The following NRG3 variants were observed in gnomAD, a reference collection of about 807,000 sequenced individuals.
The protein encoded by NRG3 is neuregulin 3, also known as pro-neuregulin-3, membrane-bound isoform.
NRG3 carries 31 observed loss-of-function variants against 66.9 expected under a neutral mutation model. That is an observed-to-expected ratio of 0.46 (90% confidence interval 0.35 to 0.63). The LOEUF (loss-of-function observed/expected upper bound fraction) is 0.63. Among genes scored for constraint, NRG3 ranks in the 20% least tolerant of loss-of-function variants. The pLI is 0.00. For synonymous variants in NRG3, 393 were observed against 359.4 expected (o/e 1.09, Z -1.06); for missense variants, 910 against 878.9 (o/e 1.04, Z -0.45).
intron 8 of NRG3, chr10:82,984,639 G>T: frequency 1.5e-6 from 1 of 679,640 alleles, no homozygotes; most frequent in Non-Finnish European, 2.5e-6. Context: ...CGACTAGGGT[G>T]GCCACAACAA....
intron 6 of NRG3, among the ~76,000 whole-genome samples, chr10:82,970,737 A>AC (rs1851644259): frequency 1.3e-5 from 2 of 151,970 alleles, no homozygotes; most frequent in African/African-American, 2.4e-5. Flanking sequence ...AATTTTACAT[A>AC]TTTTTTTCTT....
intron 1 of NRG3, among the ~76,000 whole-genome samples, chr10:81,955,677 G>C (rs1849761984): frequency 6.6e-6 from 1 of 152,100 alleles, no homozygotes. Context: ...AATAAAAGTT[G>C]ATACCTTTGA....
intron 1 of NRG3, among the ~76,000 whole-genome samples, chr10:82,345,093 T>C (rs1183386880): frequency 7.6e-6 from 1 of 131,050 alleles, no homozygotes; most frequent in Non-Finnish European, 1.5e-5. Flanking sequence ...CAATTTTGGC[T>C]TTTGTTGCCA....
intron 2 of NRG3, among the ~76,000 whole-genome samples, chr10:82,380,310 G>C (rs916326235): frequency 6.6e-6 from 1 of 151,816 alleles, no homozygotes; most frequent in African/African-American, 2.4e-5. Flanking sequence ...TTAAAAATAC[G>C]TATTACTCTT....
chr10:82,471,227 C>G (rs1841223812), intron 2 of NRG3, among the ~76,000 whole-genome samples: 1 of 152,102 alleles, frequency 6.6e-6, no homozygotes, highest in Non-Finnish European at 1.5e-5. Flanking sequence ...GACTTCCTAC[C>G]TCACAGATTG....
chr10:82,855,836 A>G (rs979779024), intron 3 of NRG3, among the ~76,000 whole-genome samples: 1 of 152,198 alleles, frequency 6.6e-6, no homozygotes, highest in African/African-American at 2.4e-5. Context: ...AGCATCTATG[A>G]TAGCATTTTA....
At chr10:82,290,115 C>G (rs1382129371) in intron 1 of NRG3, among the ~76,000 whole-genome samples, 1 of 152,170 alleles carries the variant, frequency 6.6e-6, no homozygotes, top group Non-Finnish European at 1.5e-5. Context: ...CACCTGCATT[C>G]CTGCTGCACC....
intron 4 of NRG3, among the ~76,000 whole-genome samples, chr10:82,932,668 C>T (rs577871852): frequency 2.6e-5 from 4 of 152,278 alleles, no homozygotes; most frequent in South Asian, 2.1e-4. Flanking sequence ...CACAGTGGAG[C>T]GTCTGGCACT....
intron 1 of NRG3, among the ~76,000 whole-genome samples, chr10:82,114,154 G>T (rs2067556059): frequency 6.6e-6 from 1 of 152,052 alleles, no homozygotes; most frequent in Non-Finnish European, 1.5e-5. Context: ...TCATCACTTT[G>T]TTCCTTTTTA....
At chr10:82,097,807 A>C (rs915287747) in intron 1 of NRG3, among the ~76,000 whole-genome samples, 1 of 152,064 alleles carries the variant, frequency 6.6e-6, no homozygotes, top group Admixed American at 6.6e-5. Context: ...CCATTCTAAT[A>C]CATGTGTAGT....
chr10:82,317,524 T>G (rs1488422239), intron 1 of NRG3, among the ~76,000 whole-genome samples: 1 of 152,228 alleles, frequency 6.6e-6, no homozygotes, highest in Non-Finnish European at 1.5e-5. Context: ...CCTTTCAGTC[T>G]GTGCTGCTGC....
intron 1 of NRG3, among the ~76,000 whole-genome samples, chr10:82,061,842 T>TTCTATC: frequency 6.8e-6 from 1 of 146,928 alleles, no homozygotes; most frequent in African/African-American, 2.5e-5. Context: ...CAGTGTCCCT[T>TTCTATC]TCTCTCTCTC....
intron 1 of NRG3, among the ~76,000 whole-genome samples, chr10:82,016,119 G>T (rs1404935212): frequency 1.3e-5 from 2 of 151,918 alleles, no homozygotes; most frequent in Admixed American, 6.6e-5. Context: ...CTTGGTCATT[G>T]ACTCAGTGTA....
At chr10:82,607,275 G>A (rs1329433986) in intron 2 of NRG3, among the ~76,000 whole-genome samples, 1 of 152,044 alleles carries the variant, frequency 6.6e-6, no homozygotes, top group African/African-American at 2.4e-5. Flanking sequence ...GTTGTTGGGT[G>A]CACACACTCT....
intron 2 of NRG3, among the ~76,000 whole-genome samples, chr10:82,502,424 T>C (rs1590373629): frequency 6.6e-6 from 1 of 152,348 alleles, no homozygotes; most frequent in East Asian, 1.9e-4. Context: ...TAAAAGGCTT[T>C]ATTGCAGGGG....
At chr10:82,782,951 A>T (rs1204519127) in intron 3 of NRG3, among the ~76,000 whole-genome samples, 1 of 152,214 alleles carries the variant, frequency 6.6e-6, no homozygotes, top group Non-Finnish European at 1.5e-5. Flanking sequence ...TTGATGCAAA[A>T]ATCCTCAATG....
chr10:82,616,786 A>G (rs377651807), intron 2 of NRG3, among the ~76,000 whole-genome samples: 17 of 152,140 alleles, frequency 1.1e-4, no homozygotes, highest in East Asian at 7.7e-4. Flanking sequence ...GTTTCCATCA[A>G]TACCTTTCAG....
chr10:82,499,997 C>G (rs1403237215), intron 2 of NRG3, among the ~76,000 whole-genome samples: 16 of 152,116 alleles, frequency 1.1e-4, no homozygotes, highest in Non-Finnish European at 1.0e-4. Flanking sequence ...AGACAAATGA[C>G]CTTGAAAACT....
intron 4 of NRG3, among the ~76,000 whole-genome samples, chr10:82,944,271 G>T (rs1485537680): frequency 6.6e-6 from 1 of 152,124 alleles, no homozygotes; most frequent in African/African-American, 2.4e-5. Context: ...CTGCATAAAT[G>T]TTATGTGGAA....
Sources: gnomAD v4.1 joint callset for allele counts (sites outside exome capture counted in the v4.1 genomes callset) on GRCh38, gnomAD v4.1.1 for gene constraint, MANE v1.5 for transcripts, NCBI Gene and HGNC (gene_info 2026-07-23, HGNC 2026-07-21) for gene names.